Variants in POU6F2 observed in about 807,000 individuals in gnomAD.
The protein encoded by POU6F2 is POU domain, class 6, transcription factor 2.
In POU6F2, 31 loss-of-function variants were observed where a neutral mutation model predicts 71.3. That is an observed-to-expected ratio of 0.43 (90% CI 0.33 to 0.59). The LOEUF is 0.59. Ranked by LOEUF, POU6F2 falls within the 20% of genes least tolerant of loss-of-function variation. The pLI, the probability that POU6F2 is intolerant of heterozygous loss-of-function variation, is 0.04. For synonymous variants in POU6F2, 347 were observed against 355.7 expected (o/e 0.98, Z 0.27); for missense variants, 783 against 856.8 (o/e 0.91, Z 1.07).
At chr7:39,219,972 T>C (rs1476150064) in intron 4 of POU6F2, among the ~76,000 whole-genome samples, 1 of 152,204 alleles carries the variant, frequency 6.6e-6, no homozygotes, top group South Asian at 2.1e-4. Flanking sequence ...TATACTTCCA[T>C]ATATTTCAAA....
At chr7:39,237,040 A>T (rs1794687473) in intron 4 of POU6F2, among the ~76,000 whole-genome samples, 2 of 152,188 alleles carry the variant, frequency 1.3e-5, no homozygotes, top group Admixed American at 1.3e-4. Flanking sequence ...GCAGTGTCTC[A>T]GGGGCCGTCT....
intron 1 of POU6F2, chr7:39,006,763 A>G (rs1789083669): frequency 6.2e-6 from 8 of 1,295,664 alleles, no homozygotes; most frequent in Non-Finnish European, 8.9e-6. Flanking sequence ...CTAGGCATGA[A>G]CTCTCTTGGG....
intron 2 of POU6F2, among the ~76,000 whole-genome samples, chr7:39,144,281 T>C (rs1475273580): frequency 6.6e-6 from 1 of 152,184 alleles, no homozygotes; most frequent in East Asian, 1.9e-4. Flanking sequence ...AATAAAACCA[T>C]GTTGGACTGG....
chr7:39,094,926 AT>A (rs1266476123), intron 2 of POU6F2, among the ~76,000 whole-genome samples: 1 of 152,098 alleles, frequency 6.6e-6, no homozygotes, highest in African/African-American at 2.4e-5. Flanking sequence ...CAAAACTGGC[AT>A]TTTTTTCAAT....
intron 4 of POU6F2, among the ~76,000 whole-genome samples, chr7:39,316,427 G>A (rs1417059646): frequency 6.6e-6 from 1 of 152,136 alleles, no homozygotes; most frequent in Non-Finnish European, 1.5e-5. Flanking sequence ...AAAGGGTTTG[G>A]ACCTCAGGCA....
intron 1 of POU6F2, among the ~76,000 whole-genome samples, chr7:39,038,203 C>T (rs2128711021): frequency 6.6e-6 from 1 of 152,088 alleles, no homozygotes; most frequent in African/African-American, 2.4e-5. Context: ...CTCTGTCCCA[C>T]CAAGATGAGG....
intron 2 of POU6F2, among the ~76,000 whole-genome samples, chr7:39,175,563 T>A (rs927579502): frequency 3.7e-4 from 57 of 152,180 alleles, no homozygotes; most frequent in Non-Finnish European, 2.9e-4. Context: ...ACATTTTAAT[T>A]TTGTTTAAAA....
intron 4 of POU6F2, among the ~76,000 whole-genome samples, chr7:39,291,921 T>C (rs1373484415): frequency 6.6e-6 from 1 of 151,672 alleles, no homozygotes; most frequent in Non-Finnish European, 1.5e-5. Context: ...CACATTTGAC[T>C]CTGTATTTTT....
At chr7:39,074,529 T>C (rs1790956657) in intron 1 of POU6F2, among the ~76,000 whole-genome samples, 1 of 152,174 alleles carries the variant, frequency 6.6e-6, no homozygotes, top group Admixed American at 6.5e-5. Context: ...TTCTTTTATC[T>C]TTTATAGATA....
intron 2 of POU6F2, among the ~76,000 whole-genome samples, chr7:39,150,836 CT>C (rs1792741503): frequency 6.6e-6 from 1 of 151,822 alleles, no homozygotes; most frequent in South Asian, 2.1e-4. Context: ...CATCTGTAAT[CT>C]TTTGACTTTT....
chr7:39,077,749 A>AT (rs1791029369), intron 1 of POU6F2, among the ~76,000 whole-genome samples: 2 of 152,138 alleles, frequency 1.3e-5, no homozygotes, highest in African/African-American at 2.4e-5. Context: ...TTGCTGTATT[A>AT]TTTTTTTTCT....
At chr7:39,443,586 C>A (rs1287042858) in intron 7 of POU6F2, among the ~76,000 whole-genome samples, 4 of 152,170 alleles carry the variant, frequency 2.6e-5, no homozygotes, top group Non-Finnish European at 5.9e-5. Context: ...CCAGTTGAGA[C>A]ACCATGAGAA....
chr7:39,082,880 GT>G (rs889292650), intron 1 of POU6F2, among the ~76,000 whole-genome samples: 15 of 151,732 alleles, frequency 9.9e-5, no homozygotes, highest in South Asian at 2.1e-4. Context: ...AACGTAAAGT[GT>G]TTTGTAAGAC....
chr7:39,174,229 T>C (rs930739533), intron 2 of POU6F2, among the ~76,000 whole-genome samples: 1 of 152,206 alleles, frequency 6.6e-6, no homozygotes, highest in African/African-American at 2.4e-5. Flanking sequence ...GATAATGCTG[T>C]ATGAAAGGCA....
intron 3 of POU6F2, 44 bp downstream of exon 3, chr7:39,204,370 G>C (rs2128745369): frequency 6.8e-7 from 1 of 1,481,218 alleles, no homozygotes; most frequent in Middle Eastern, 1.8e-4. Flanking sequence ...CATTTAGGAT[G>C]GTTTAACCAT....
At chr7:39,444,261 G>C (rs568201375) in intron 7 of POU6F2, among the ~76,000 whole-genome samples, 1 of 152,254 alleles carries the variant, frequency 6.6e-6, no homozygotes, top group Admixed American at 6.5e-5. Flanking sequence ...AATCCTTGGT[G>C]AGCAATACCA....
At chr7:39,137,088 C>A (rs930803566) in intron 2 of POU6F2, among the ~76,000 whole-genome samples, 5 of 148,242 alleles carry the variant, frequency 3.4e-5, no homozygotes, top group African/African-American at 1.2e-4. Flanking sequence ...CTCAAAATAA[C>A]TTAAATATTA....
At chr7:39,124,423 AT>A (rs1792106109) in intron 2 of POU6F2, among the ~76,000 whole-genome samples, 1 of 152,182 alleles carries the variant, frequency 6.6e-6, no homozygotes, top group African/African-American at 2.4e-5. Flanking sequence ...CAACAACTAT[AT>A]TTTTATGAAA....
At chr7:39,288,209 G>T (rs865774096) in intron 4 of POU6F2, among the ~76,000 whole-genome samples, 1 of 151,990 alleles carries the variant, frequency 6.6e-6, no homozygotes, top group Non-Finnish European at 1.5e-5. Context: ...AACAATTCAG[G>T]GGACTATTTA....
Sources: allele counts gnomAD v4.1 joint callset (sites outside exome capture counted in the v4.1 genomes callset), GRCh38; gene constraint gnomAD v4.1.1; transcripts MANE v1.5; gene names NCBI Gene and HGNC (gene_info 2026-07-23, HGNC 2026-07-21).